Variants in EPHB1 observed in about 807,000 individuals in gnomAD.
EPHB1 encodes the protein ephrin type-B receptor 1.
Under a neutral mutation model 94.4 loss-of-function variants are expected in EPHB1, and 30 were observed. The ratio of observed to expected loss-of-function variants is 0.32; its 90% CI spans 0.24 to 0.43. The LOEUF is 0.43. EPHB1 is among the 20% of genes least tolerant of loss of function. EPHB1 has a pLI of 1.00. For missense variants in EPHB1, 1,055 were observed against 1,308.3 expected (o/e 0.81, Z 2.99); for synonymous variants, 522 against 489.1 (o/e 1.07, Z -0.89).
At chr3:134,907,657 G>A (rs548353354) in intron 1 of EPHB1, among the ~76,000 whole-genome samples, 24 of 115,438 alleles carry the variant, frequency 2.1e-4, no homozygotes, top group Admixed American at 1.4e-3. Flanking sequence ...CCCCCTGCCC[G>A]CCCCCTCCCC....
chr3:135,027,704 G>T (rs1936241565), intron 3 of EPHB1, among the ~76,000 whole-genome samples: 1 of 149,848 alleles, frequency 6.7e-6, no homozygotes, highest in Non-Finnish European at 1.5e-5. Context: ...TTGTGTCTCT[G>T]CCCGGCTTTG....
intron 2 of EPHB1, among the ~76,000 whole-genome samples, chr3:134,942,047 T>G (rs956240017): frequency 2.0e-5 from 3 of 152,226 alleles, no homozygotes; most frequent in African/African-American, 7.2e-5. Context: ...GTCAAAATAG[T>G]GCTCTTTCAA....
intron 3 of EPHB1, among the ~76,000 whole-genome samples, chr3:135,031,646 A>G (rs12637708): frequency 0.25 from 37,935 of 152,196 alleles, 6,354 homozygotes; most frequent in East Asian, 0.71. Context: ...GTAGAGTTAC[A>G]TTGTTATTTT....
At chr3:134,938,100 AC>A (rs1227179277) in intron 2 of EPHB1, among the ~76,000 whole-genome samples, 12 of 152,072 alleles carry the variant, frequency 7.9e-5, no homozygotes, top group Non-Finnish European at 1.5e-5. Context: ...CTCAACAGAG[AC>A]AGAGAGAAAC....
At chr3:134,979,324 C>T (rs555302932) in intron 3 of EPHB1, among the ~76,000 whole-genome samples, 11 of 152,230 alleles carry the variant, frequency 7.2e-5, no homozygotes, top group Admixed American at 1.3e-4. Context: ...CAGATTGGCA[C>T]GTTTCAGTTC....
intron 12 of EPHB1, among the ~76,000 whole-genome samples, chr3:135,237,710 G>C (rs942285712): frequency 6.6e-6 from 1 of 152,180 alleles, no homozygotes; most frequent in African/African-American, 2.4e-5. Context: ...TTCCTTTCCA[G>C]TGAGCCCCAT....
At chr3:134,945,924 T>C (rs965498051) in intron 2 of EPHB1, among the ~76,000 whole-genome samples, 24 of 152,202 alleles carry the variant, frequency 1.6e-4, no homozygotes. Context: ...CATGCAAGAC[T>C]GGTAAAATTC....
At chr3:134,808,927 C>T (rs2036118201) in intron 1 of EPHB1, among the ~76,000 whole-genome samples, 2 of 152,348 alleles carry the variant, frequency 1.3e-5, no homozygotes, top group Admixed American at 1.3e-4. Context: ...GCCATAATTT[C>T]TCACTGTAAT....
intron 3 of EPHB1, among the ~76,000 whole-genome samples, chr3:135,106,202 G>A (rs1163821746): frequency 6.6e-6 from 1 of 152,210 alleles, no homozygotes; most frequent in African/African-American, 2.4e-5. Flanking sequence ...ACCTGGAAGG[G>A]AAGAATTATT....
At position 135,078,129 on chromosome 3, in the gene EPHB1, C is replaced by T. The variant is rs534865387; in HGVS notation, c.806-28319C>T. Among the ~76,000 whole-genome samples, 139 of 152,286 alleles carry T rather than the reference C, an allele frequency of 9.1e-4. 1 individual carries two copies. The highest frequency in any genetic ancestry group is 3.4e-3 in the Middle Eastern group (1 of 294). On this transcript the variant is annotated intron_variant, in intron 3 of 15. Transcript: ENST00000398015. ...TCAGTTCCTGCATTCCCCCAGGTTC[C>T]TGCTCAAGGGTAGATTTGATGGGGT...
intron 4 of EPHB1, among the ~76,000 whole-genome samples, chr3:135,123,885 C>G (rs1048997150): frequency 1.3e-5 from 2 of 151,622 alleles, no homozygotes; most frequent in African/African-American, 4.9e-5. Flanking sequence ...CTGCTGTGTC[C>G]TCCTGATTGG....
At chr3:135,102,362 T>G (rs1049157374) in intron 3 of EPHB1, among the ~76,000 whole-genome samples, 2 of 152,220 alleles carry the variant, frequency 1.3e-5, no homozygotes, top group Non-Finnish European at 2.9e-5. Context: ...CTGAATATTC[T>G]TCATCAGAAG....
intron 1 of EPHB1, among the ~76,000 whole-genome samples, chr3:134,800,005 T>C (rs1445412446): frequency 6.6e-6 from 1 of 152,152 alleles, no homozygotes; most frequent in Non-Finnish European, 1.5e-5. Flanking sequence ...TGAATAAATT[T>C]TGTGAACTCG....
intron 10 of EPHB1, among the ~76,000 whole-genome samples, chr3:135,185,856 G>T (rs9827517): frequency 6.6e-6 from 1 of 152,156 alleles, no homozygotes; most frequent in African/African-American, 2.4e-5. Context: ...CTCAAGCCTC[G>T]TTGTTGGGAA....
rs146630733 is a variant in EPHB1, at chr3:135,050,553, A to G, written c.806-55895A>G. Among the ~76,000 whole-genome samples, 15 of 152,196 alleles carry G rather than the reference A, an allele frequency of 9.9e-5. No homozygotes were observed. In the East Asian group the frequency reaches 2.9e-3, roughly 29 times the overall value. ...GTTTCTGCTTTTTGCTGCTTTGGGC[A>G]TGATAAGGTTTGGATGTTTTGTCCC... On this transcript the variant is annotated intron_variant, in intron 3 of 15. Coordinates refer to ENST00000398015, the MANE Select transcript of EPHB1 (RefSeq NM_004441.5).
intron 12 of EPHB1, among the ~76,000 whole-genome samples, chr3:135,235,801 C>T (rs1044179326): frequency 4.6e-5 from 7 of 152,140 alleles, no homozygotes; most frequent in Non-Finnish European, 1.0e-4. Context: ...AGAATTCTCC[C>T]TCAGGCAGGA....
intron 3 of EPHB1, among the ~76,000 whole-genome samples, chr3:135,082,976 C>T (rs549166458): frequency 6.6e-6 from 1 of 152,262 alleles, no homozygotes; most frequent in African/African-American, 2.4e-5. Flanking sequence ...GCAGGAAGTG[C>T]TTCCGTGCGA....
chr3:134,880,527 C>T (rs2037710421), intron 1 of EPHB1, among the ~76,000 whole-genome samples: 1 of 152,196 alleles, frequency 6.6e-6, no homozygotes, highest in Admixed American at 6.5e-5. Context: ...GTCATCCTAA[C>T]AAGGAGTCCC....
intron 3 of EPHB1, among the ~76,000 whole-genome samples, chr3:134,996,234 C>T (rs533813766): frequency 7.2e-5 from 11 of 152,210 alleles, no homozygotes; most frequent in African/African-American, 2.4e-4. Flanking sequence ...CACTCTGCCA[C>T]CCAGGTGGGA....
Sources: allele counts gnomAD v4.1 joint callset (sites outside exome capture counted in the v4.1 genomes callset), GRCh38; gene constraint gnomAD v4.1.1; transcripts MANE v1.5; gene names NCBI Gene and HGNC (gene_info 2026-07-23, HGNC 2026-07-21).